The following NPNT variants were observed in gnomAD, a reference collection of about 807,000 sequenced individuals.
NPNT encodes preosteoblast EGF-like repeat protein with MAM domain.
In NPNT, 45 loss-of-function variants were observed where a neutral mutation model predicts 68.6. The ratio of observed to expected loss-of-function variants is 0.66; its 90% CI spans 0.52 to 0.84. The LOEUF is 0.84. Ranked by LOEUF, NPNT falls within the 40% of genes least tolerant of loss-of-function variation. The probability of loss-of-function intolerance (pLI) is 0.00; values close to 1 mark genes in which losing one functional copy is unlikely to be tolerated. For missense variants in NPNT, 672 were observed against 714.8 expected, an observed-to-expected ratio of 0.94 and a Z score of 0.68; for synonymous variants, 233 against 253.3, an observed-to-expected ratio of 0.92 and a Z score of 0.76.
At chr4:105,913,513 T>G (rs1727544174) in intron 2 of NPNT, among the ~76,000 whole-genome samples, 1 of 152,220 alleles carries the variant, frequency 6.6e-6, no homozygotes. Flanking sequence ...TTGTAATCTT[T>G]AAATCTAACT....
chr4:105,938,662 C>T (rs545811334), intron 5 of NPNT, among the ~76,000 whole-genome samples: 48 of 152,186 alleles, frequency 3.2e-4, no homozygotes, highest in Non-Finnish European at 6.0e-4. Context: ...TGCAAAGACA[C>T]TGCAGTTCAG....
intron 3 of NPNT, among the ~76,000 whole-genome samples, chr4:105,935,586 A>G (rs1357417765): frequency 6.6e-6 from 1 of 152,202 alleles, no homozygotes; most frequent in East Asian, 1.9e-4. Flanking sequence ...AATATTTAAA[A>G]TGTGATTTTG....
chr4:105,920,568 A>T (rs1220192825), intron 2 of NPNT, among the ~76,000 whole-genome samples: 1 of 151,296 alleles, frequency 6.6e-6, no homozygotes, highest in Non-Finnish European at 1.5e-5. Context: ...TGCTCAGAGG[A>T]TTTTTTTTTA....
At chr4:105,912,322 AAAC>A in intron 2 of NPNT, 2 of 944,248 alleles carry the variant, frequency 2.1e-6, no homozygotes, top group Non-Finnish European at 3.2e-6. Flanking sequence ...ACAAAGCTGT[AAAC>A]AAAACATTAG....
chr4:105,901,794 A>T (rs1280760701), intron 2 of NPNT, among the ~76,000 whole-genome samples: 1 of 152,184 alleles, frequency 6.6e-6, no homozygotes, highest in Non-Finnish European at 1.5e-5. Flanking sequence ...TTGGATTCTT[A>T]TCGGCTTCAG....
At chr4:105,945,099 C>T (rs1730274704) in intron 8 of NPNT, among the ~76,000 whole-genome samples, 1 of 152,132 alleles carries the variant, frequency 6.6e-6, no homozygotes, top group African/African-American at 2.4e-5. Flanking sequence ...TTGGCAGTCT[C>T]CTTCAAATAG....
chr4:105,902,351 T>C (rs1203401588), intron 2 of NPNT, among the ~76,000 whole-genome samples: 6 of 152,150 alleles, frequency 3.9e-5, no homozygotes, highest in African/African-American at 1.2e-4. Flanking sequence ...GTTAGTATTT[T>C]AAACGTAAAG....
intron 8 of NPNT, among the ~76,000 whole-genome samples, chr4:105,956,650 G>T (rs534337784): frequency 6.6e-6 from 1 of 152,156 alleles, no homozygotes; most frequent in Non-Finnish European, 1.5e-5. Flanking sequence ...AAGAAAGCAC[G>T]CTTGTCTACA....
chr4:105,914,111 T>C (rs1727595258), intron 2 of NPNT, among the ~76,000 whole-genome samples: 1 of 151,614 alleles, frequency 6.6e-6, no homozygotes, highest in East Asian at 1.9e-4. Flanking sequence ...AAGTTAGGGA[T>C]AAAGATTTGA....
In NPNT at chr4:105,937,104, C is replaced by T; in HGVS notation, c.361C>T (p.Leu121Phe). The T allele has an allele frequency of 6.2e-7, 1 of 1,613,614 alleles. No individual in the cohort carries two copies. Among genetic ancestry groups the T allele is most frequent in the South Asian group, 1.1e-5 (1 of 91,052 alleles). ...GTGCTACTGTCTCAACGGATATATG[C>T]TCATGCCGGATGGTTCCTGCTCAAG... ...YKCYCLNGYM[L>F]MPDGSCSSAL... is the part of the protein sequence containing the mutation. Residue 121 changes from leucine (L) to phenylalanine (F), a missense_variant, in exon 4 of 12, where the codon CTC becomes TTC. Physicochemically the swap from Leu to Phe is conservative, Grantham distance 22 (BLOSUM62 0). Transcript: ENST00000379987.
intron 2 of NPNT, among the ~76,000 whole-genome samples, chr4:105,904,049 GC>G (rs2149319871): frequency 6.6e-6 from 1 of 152,220 alleles, no homozygotes; most frequent in East Asian, 1.9e-4. Context: ...CTCCCAAAGT[GC>G]TGGGATTATA....
chr4:105,919,413 G>T (rs1454726953), intron 2 of NPNT, among the ~76,000 whole-genome samples: 1 of 151,972 alleles, frequency 6.6e-6, no homozygotes, highest in Non-Finnish European at 1.5e-5. Flanking sequence ...AAAAAATTTA[G>T]TATTGATATA....
At chr4:105,928,028 TTAC>T (rs1487814676) in intron 3 of NPNT, among the ~76,000 whole-genome samples, 1 of 152,192 alleles carries the variant, frequency 6.6e-6, no homozygotes, top group Non-Finnish European at 1.5e-5. Context: ...ATTTTTATCT[TTAC>T]AACAACATTA....
At chr4:105,961,979 G>A (rs982091434) in intron 10 of NPNT, among the ~76,000 whole-genome samples, 4 of 152,198 alleles carry the variant, frequency 2.6e-5, no homozygotes, top group African/African-American at 9.7e-5. Flanking sequence ...ATGTAATGGG[G>A]TTGAGTCGAA....
intron 3 of NPNT, chr4:105,932,538 T>C (rs923758363): frequency 2.2e-6 from 2 of 903,176 alleles, no homozygotes. Flanking sequence ...GTTTAATATA[T>C]ACTTGCAAAG....
At chr4:105,898,876 T>C (rs1369275389) in intron 2 of NPNT, among the ~76,000 whole-genome samples, 1 of 152,126 alleles carries the variant, frequency 6.6e-6, no homozygotes, top group Non-Finnish European at 1.5e-5. Flanking sequence ...AGAGCACCCT[T>C]AGAGTGCTTG....
At chr4:105,898,100 AG>A (rs1360070543) in intron 2 of NPNT, 99 bp downstream of exon 2, 1 of 790,084 alleles carries the variant, frequency 1.3e-6, no homozygotes, top group Non-Finnish European at 2.0e-6. Context: ...TTACTGAGCA[AG>A]GCTTGGCCTT....
chr4:105,956,436 C>G (rs566071367), intron 8 of NPNT, among the ~76,000 whole-genome samples: 3 of 152,010 alleles, frequency 2.0e-5, no homozygotes, highest in African/African-American at 7.2e-5. Context: ...TTTACATCAA[C>G]ACTCGATTTG....
intron 10 of NPNT, 103 bp from the exon 11 acceptor site, chr4:105,967,085 A>G (rs1732203058): frequency 8.6e-7 from 1 of 1,157,420 alleles, no homozygotes; most frequent in Non-Finnish European, 1.2e-6. Context: ...GGAATTCTTT[A>G]CAAAGAAAAG....
Sources: allele counts gnomAD v4.1 joint callset (sites outside exome capture counted in the v4.1 genomes callset), GRCh38; gene constraint gnomAD v4.1.1; transcripts MANE v1.5; gene names NCBI Gene and HGNC (gene_info 2026-07-23, HGNC 2026-07-21).